Variants in ABAT observed in about 807,000 individuals in gnomAD.
ABAT encodes the protein 4-aminobutyrate aminotransferase, mitochondrial.
ABAT carries 45 observed loss-of-function variants against 64.6 expected under a neutral mutation model. The ratio of observed to expected loss-of-function variants is 0.70; its 90% CI spans 0.55 to 0.89. ABAT has a LOEUF of 0.89. Ranked by LOEUF, ABAT falls within the 40% of genes least tolerant of loss-of-function variation. The probability of loss-of-function intolerance (pLI) is 0.00; values close to 1 mark genes in which losing one functional copy is unlikely to be tolerated. For missense variants in ABAT, 633 were observed against 658.4 expected (o/e 0.96, Z 0.42); for synonymous variants, 297 against 250.5 (o/e 1.19, Z -1.75).
Position 8,757,853 on chromosome 16 carries a change from C to T in ABAT, c.366+47C>T, listed in dbSNP as rs755293195. 3 of 1,581,916 alleles carry T rather than the reference C, an allele frequency of 1.9e-6. No homozygotes were observed. The Admixed American group carries it at 5.0e-5, about 26-fold the overall frequency. ...AAGAAAGACAAAATATGTTCATGGC[C>T]ATTCACAGAATCACTGGGCAGACTT... On this transcript the variant is annotated intron_variant, in intron 6 of 15. Transcript: ENST00000268251.
chr16:8,743,430 T>A (rs1237403904), intron 2 of ABAT, among the ~76,000 whole-genome samples: 1 of 71,454 alleles, frequency 1.4e-5, no homozygotes, highest in African/African-American at 5.0e-5. Context: ...CAGTTATATA[T>A]ATATATATAT....
At chr16:8,708,958 C>A (rs1274578442) in intron 1 of ABAT, among the ~76,000 whole-genome samples, 2 of 152,168 alleles carry the variant, frequency 1.3e-5, no homozygotes, top group Non-Finnish European at 2.9e-5. Context: ...ACCTGAGCTA[C>A]ATTTGCCAAT....
rs1226951752 is a variant in ABAT, at chr16:8,776,749, A to AT, written c.1269+266dup. Among the ~76,000 whole-genome samples the AT allele has an allele frequency of 6.6e-6, 1 of 151,274 alleles. No individual in the cohort carries two copies. The highest frequency in any genetic ancestry group is 1.5e-5 in the Non-Finnish European group (1 of 67,840). On this transcript the variant is annotated intron_variant, in intron 14 of 15. Coordinates refer to ENST00000268251, the MANE Select transcript of ABAT (RefSeq NM_020686.6). This position sits in a 1 kb window ranked among gnomAD's most constrained non-coding sequence, Gnocchi z 4.4. Reference sequence around the variant, plus strand: ...TGTTGTTTTTTTTAATTTATTTTTTATTTTTTTAATATTGAGACATGGTCA... The same window carrying AT: ...TGTTGTTTTTTTTAATTTATTTTTTATTTTTTTTAATATTGAGACATGGTCA...
intron 1 of ABAT, among the ~76,000 whole-genome samples, chr16:8,677,845 G>A (rs565028568): frequency 1.3e-5 from 2 of 152,226 alleles, no homozygotes; most frequent in South Asian, 2.1e-4. Flanking sequence ...TTGAGCCCAG[G>A]AGTTTGAGAC....
intron 5 of ABAT, among the ~76,000 whole-genome samples, chr16:8,756,254 C>A (rs1231655956): frequency 1.6e-4 from 25 of 152,146 alleles, no homozygotes; most frequent in Non-Finnish European, 4.4e-5. Flanking sequence ...GGGAGCTTGA[C>A]TTGTTAGGGG....
chr16:8,752,449 C>A (rs2059516840), intron 5 of ABAT, among the ~76,000 whole-genome samples: 1 of 152,122 alleles, frequency 6.6e-6, no homozygotes, highest in Non-Finnish European at 1.5e-5. Flanking sequence ...ATCAGATTAG[C>A]AGCATTTGTT....
At chr16:8,737,541 A>G (rs1046233405) in intron 2 of ABAT, 1 of 151,978 alleles carries the variant, frequency 6.6e-6, no homozygotes, top group Non-Finnish European at 1.5e-5. Flanking sequence ...GAGAAGTTAC[A>G]AAGATATTAC....
In ABAT at chr16:8,783,773, C is replaced by G. The variant is rs1242959721; in HGVS notation, c.*2343C>G. ...AGCCAGGGCACAACCAGAAAAGTGG[C>G]TCTCTTTGGTAGGGAGAGGGGCTCC... is the stretch of plus-strand genomic sequence containing the variant. On this transcript the variant is annotated 3_prime_UTR_variant, in exon 16 of 16. Transcript: ENST00000268251. The G allele has an allele frequency of 1.3e-5, 2 of 152,190 alleles. No homozygotes were observed. Among genetic ancestry groups the G allele is most frequent in the African/African-American group, 4.8e-5 (2 of 41,442 alleles). The allele number at this position is 152,190 out of a possible 1,614,324, so 9.4% of individuals were successfully genotyped here. A position where few individuals can be genotyped will look rare whatever the true frequency, so the allele number is the denominator to read the frequency against.
intron 2 of ABAT, among the ~76,000 whole-genome samples, chr16:8,739,392 T>C (rs942383999): frequency 3.9e-5 from 6 of 152,280 alleles, no homozygotes; most frequent in Admixed American, 1.3e-4. Context: ...ATCATATCCT[T>C]CCTATTTCAC....
intron 1 of ABAT, among the ~76,000 whole-genome samples, chr16:8,709,262 C>G (rs927739395): frequency 4.6e-5 from 7 of 151,338 alleles, no homozygotes; most frequent in Non-Finnish European, 1.5e-5. Context: ...TGCCTTTTTC[C>G]ATGTGTTCCA....
chr16:8,738,003 A>T (rs1203239073), intron 2 of ABAT, among the ~76,000 whole-genome samples: 1 of 122,834 alleles, frequency 8.1e-6, no homozygotes, highest in Non-Finnish European at 1.7e-5. Flanking sequence ...AAAGAAAGAA[A>T]GAAAGAAAGA....
chr16:8,722,481 C>G (rs547310624), intron 1 of ABAT, among the ~76,000 whole-genome samples: 21 of 152,158 alleles, frequency 1.4e-4, no homozygotes, highest in African/African-American at 4.6e-4. Flanking sequence ...AGGAAAATTA[C>G]TTTTTTAAAT....
intron 2 of ABAT, among the ~76,000 whole-genome samples, chr16:8,739,767 GAAAAA>G (rs869087619): frequency 8.0e-4 from 28 of 35,138 alleles, no homozygotes; most frequent in Non-Finnish European, 1.8e-3. Flanking sequence ...CAAAAAAACA[GAAAAA>G]ATAGAAATGG....
At chr16:8,684,948 C>G (rs1424388516) in intron 1 of ABAT, among the ~76,000 whole-genome samples, 4 of 152,056 alleles carry the variant, frequency 2.6e-5, no homozygotes, top group Non-Finnish European at 5.9e-5. Context: ...GCTTGTCTAT[C>G]AGTTTTCTAC....
At chr16:8,706,152 A>G (rs770052618) in intron 1 of ABAT, among the ~76,000 whole-genome samples, 159 of 152,142 alleles carry the variant, frequency 1.0e-3, no homozygotes, top group Admixed American at 1.8e-3. Flanking sequence ...TCGTGCCTGT[A>G]ATCCCAACAC....
rs2060256318 is a variant in ABAT at position 8,776,070 on chromosome 16, TC to T, written c.1123-271del. Among the ~76,000 whole-genome samples the T allele has an allele frequency of 6.6e-6, 1 of 152,196 alleles. No individual in the cohort carries two copies. Among genetic ancestry groups the T allele is most frequent in the African/African-American group, 2.4e-5 (1 of 41,440 alleles). On this transcript the variant is annotated intron_variant, in intron 13 of 15. Coordinates refer to ENST00000268251, the MANE Select transcript of ABAT (RefSeq NM_020686.6). This position sits in a 1 kb window ranked among gnomAD's most constrained non-coding sequence, Gnocchi z 4.4. ...CTTGGTTTCCTGGGACTGAGGGATT[TC>T]CCAGTGCATGGGACGATTTGGTCCT...
At chr16:8,780,822 C>T in intron 15 of ABAT, 1 of 190,776 alleles carries the variant, frequency 5.2e-6, no homozygotes. Flanking sequence ...CCAGCTGTAA[C>T]TGTGAAGTCA....
intron 12 of ABAT, 114 bp from the exon 13 acceptor site, chr16:8,774,776 A>C: frequency 1.5e-6 from 2 of 1,341,706 alleles, no homozygotes; most frequent in South Asian, 2.4e-5. Flanking sequence ...GCTCTTCAGA[A>C]AACAAGCACG....
Position 8,764,036 on chromosome 16 carries a change from A to G in ABAT, c.367-33A>G. 6.2e-7 allele frequency: 1 copy of G among 1,600,844 alleles called. No individual in the cohort carries two copies. Among genetic ancestry groups the G allele is most frequent in the Non-Finnish European group, 8.6e-7 (1 of 1,168,006 alleles). ...GGGCAGGGAGCTGGGTCAGGCCCCC[A>G]GAAGTCACCATTTGTCTCTTGCCCT... On this transcript the variant is annotated intron_variant, in intron 6 of 15. Coordinates refer to ENST00000268251, the MANE Select transcript of ABAT (RefSeq NM_020686.6). The surrounding 1 kb of genome is among the most constrained non-coding windows in gnomAD (Gnocchi z 4.2).
Sources: gnomAD v4.1 joint callset for allele counts (sites outside exome capture counted in the v4.1 genomes callset) on GRCh38, gnomAD v4.1.1 for gene constraint, Gnocchi (gnomAD v3.1) non-coding constraint, MANE v1.5 for transcripts, NCBI Gene and HGNC (gene_info 2026-07-23, HGNC 2026-07-21) for gene names.